Variants in PPFIA2 observed in about 807,000 individuals in gnomAD.
The protein encoded by PPFIA2 is liprin-alpha-2.
A neutral mutation model predicts 175.5 loss-of-function variants in PPFIA2; 46 were observed. The observed-to-expected ratio is 0.26, with a 90% confidence interval of 0.21 to 0.34. The LOEUF (loss-of-function observed/expected upper bound fraction) is 0.34. PPFIA2 is among the 10% of genes least tolerant of loss of function. PPFIA2 has a pLI of 1.00. For synonymous variants in PPFIA2, 568 were observed against 511.4 expected, an observed-to-expected ratio of 1.11 and a Z score of -1.49; for missense variants, 1,179 against 1,506.1, an observed-to-expected ratio of 0.78 and a Z score of 3.60.
intron 4 of PPFIA2, among the ~76,000 whole-genome samples, chr12:81,609,422 C>T (rs2060660413): frequency 6.6e-6 from 1 of 151,982 alleles, no homozygotes; most frequent in Non-Finnish European, 1.5e-5. Context: ...TTCTCATAGG[C>T]CAAGAAGAAC....
chr12:81,372,294 A>C (rs1437112915), intron 11 of PPFIA2, among the ~76,000 whole-genome samples: 1 of 151,570 alleles, frequency 6.6e-6, no homozygotes, highest in African/African-American at 2.4e-5. Flanking sequence ...AAGACCTAGA[A>C]AAAAGAAGAA....
chr12:81,732,993 G>A (rs1238661117), intron 3 of PPFIA2, among the ~76,000 whole-genome samples: 2 of 151,478 alleles, frequency 1.3e-5, no homozygotes, highest in African/African-American at 4.8e-5. Flanking sequence ...AATTAACTTA[G>A]AGCAGACCAG....
At chr12:81,540,684 C>T (rs1282439574) in intron 4 of PPFIA2, among the ~76,000 whole-genome samples, 3 of 151,824 alleles carry the variant, frequency 2.0e-5, no homozygotes, top group African/African-American at 7.3e-5. Flanking sequence ...TTTATTGATA[C>T]AAATGGAGTA....
intron 4 of PPFIA2, among the ~76,000 whole-genome samples, chr12:81,632,590 C>G (rs2063513982): frequency 6.6e-6 from 1 of 152,080 alleles, no homozygotes; most frequent in Non-Finnish European, 1.5e-5. Flanking sequence ...ATTCTTTGCT[C>G]CTTCATTCTT....
At chr12:81,534,883 A>T (rs1280149750) in intron 4 of PPFIA2, among the ~76,000 whole-genome samples, 4 of 151,512 alleles carry the variant, frequency 2.6e-5, no homozygotes, top group African/African-American at 9.7e-5. Flanking sequence ...AGGGAGGGAG[A>T]AGATGGAGTA....
intron 3 of PPFIA2, among the ~76,000 whole-genome samples, chr12:81,751,222 T>C (rs921732332): frequency 1.3e-5 from 2 of 152,122 alleles, no homozygotes; most frequent in Admixed American, 6.5e-5. Context: ...CAAATTGATA[T>C]TGAAAAAGAT....
chr12:81,650,340 C>T lies in PPFIA2; in HGVS notation c.303+26451G>A, dbSNP rs79026595. Among the ~76,000 whole-genome samples, 15 of 152,108 alleles carry T rather than the reference C, an allele frequency of 9.9e-5. No individual in the cohort carries two copies. The East Asian group carries it at 2.9e-3, about 29-fold the overall frequency. ...TGTATTTTTAAAAATGTGGATTGTA[C>T]TCTTTCTCTATTGTACCTGAGTAAA... On this transcript the variant is annotated intron_variant, in intron 4 of 32. Coordinates refer to ENST00000549396, the MANE Select transcript of PPFIA2 (RefSeq NM_003625.5).
In PPFIA2 at chr12:81,638,689, T is replaced by C. The variant is rs978959052; in HGVS notation, c.303+38102A>G. Among the ~76,000 whole-genome samples, 39 of 126,788 alleles carry C rather than the reference T, an allele frequency of 3.1e-4. 1 individual carries two copies. The highest frequency in any genetic ancestry group is 4.4e-4 in the African/African-American group (14 of 31,802). 83.2% of individuals were successfully genotyped at this position (126,788 alleles called of 152,430 possible). ...TGTTTTGTCATAAATTTTCTTTTTT[T>C]TTTTTTTTTTTTTTTTGAGACGGAG... On this transcript the variant is annotated intron_variant, in intron 4 of 32. Transcript: ENST00000549396.
chr12:81,685,685 A>T (rs1439607692), intron 3 of PPFIA2, among the ~76,000 whole-genome samples: 1 of 152,068 alleles, frequency 6.6e-6, no homozygotes, highest in Non-Finnish European at 1.5e-5. Flanking sequence ...AACATGAGGA[A>T]GAATTTTGAG....
chr12:81,374,791 G>A (rs1566532306), intron 10 of PPFIA2, 23 bp from the exon 11 acceptor site: 1 of 1,600,558 alleles, frequency 6.2e-7, no homozygotes, highest in Non-Finnish European at 8.5e-7. Context: ...TGGGAGCAGA[G>A]ACACTTAAAG....
At chr12:81,449,492 AAAAAAAAAAC>A (rs1269372327) in intron 5 of PPFIA2, among the ~76,000 whole-genome samples, 1 of 151,836 alleles carries the variant, frequency 6.6e-6, no homozygotes, top group Non-Finnish European at 1.5e-5. Context: ...TTCAGACAAA[AAAAAAAAAAC>A]AAAAAAAAAT....
At chr12:81,721,877 C>T (rs2079394804) in intron 3 of PPFIA2, among the ~76,000 whole-genome samples, 1 of 150,984 alleles carries the variant, frequency 6.6e-6, no homozygotes, top group Admixed American at 6.6e-5. Flanking sequence ...ACATCAACCT[C>T]AGAAGGGTTT....
chr12:81,588,168 A>C (rs989661389), intron 4 of PPFIA2, among the ~76,000 whole-genome samples: 2 of 150,494 alleles, frequency 1.3e-5, no homozygotes, highest in African/African-American at 4.8e-5. Context: ...CAGGGATAAT[A>C]GTCCAGGATG....
At chr12:81,680,537 C>T (rs1352429194) in intron 3 of PPFIA2, among the ~76,000 whole-genome samples, 2 of 151,834 alleles carry the variant, frequency 1.3e-5, no homozygotes, top group Non-Finnish European at 2.9e-5. Context: ...TAAGGCTAAA[C>T]CACAGGCTGG....
intron 4 of PPFIA2, among the ~76,000 whole-genome samples, chr12:81,463,348 A>C (rs902740803): frequency 1.3e-5 from 2 of 152,096 alleles, no homozygotes; most frequent in African/African-American, 4.8e-5. Flanking sequence ...ATCTGTAGAA[A>C]GAGCTAAGTG....
intron 4 of PPFIA2, among the ~76,000 whole-genome samples, chr12:81,477,799 G>A (rs2057671257): frequency 6.6e-6 from 1 of 152,038 alleles, no homozygotes. Flanking sequence ...GCTAGATTCA[G>A]TTTGCCAGTA....
chr12:81,466,560 A>C (rs2055664878), intron 4 of PPFIA2, among the ~76,000 whole-genome samples: 2 of 151,614 alleles, frequency 1.3e-5, no homozygotes, highest in Admixed American at 1.3e-4. Flanking sequence ...TCTTATTCCC[A>C]CTCTGCTTTG....
chr12:81,290,627 A>G (rs2044676583), intron 24 of PPFIA2, among the ~76,000 whole-genome samples: 1 of 151,700 alleles, frequency 6.6e-6, no homozygotes, highest in African/African-American at 2.4e-5. Flanking sequence ...GAAAATTAAT[A>G]TAAATACCAG....
chr12:81,635,122 A>T (rs1216484752), intron 4 of PPFIA2, among the ~76,000 whole-genome samples: 2 of 152,196 alleles, frequency 1.3e-5, no homozygotes, highest in Admixed American at 1.3e-4. Context: ...TCAAATGGAA[A>T]ATCTATTGAA....
Sources: gnomAD v4.1 joint callset for allele counts (sites outside exome capture counted in the v4.1 genomes callset) on GRCh38, gnomAD v4.1.1 for gene constraint, MANE v1.5 for transcripts, NCBI Gene and HGNC (gene_info 2026-07-23, HGNC 2026-07-21) for gene names.